The following CTNNA2 variants were observed in gnomAD, a reference collection of about 807,000 sequenced individuals.
CTNNA2 encodes the protein catenin alpha-2.
In CTNNA2, 42 loss-of-function variants were observed where a neutral mutation model predicts 101.0. That is an observed-to-expected ratio of 0.42 (90% CI 0.32 to 0.54). CTNNA2 has a LOEUF of 0.54. CTNNA2 is among the 20% of genes least tolerant of loss of function. The probability of loss-of-function intolerance (pLI) is 0.14; values close to 1 mark genes in which losing one functional copy is unlikely to be tolerated. For missense variants in CTNNA2, 871 were observed against 1,223.1 expected (o/e 0.71, Z 4.29); for synonymous variants, 450 against 456.4 (o/e 0.99, Z 0.18).
intron 1 of CTNNA2, among the ~76,000 whole-genome samples, chr2:79,650,474 GA>G (rs1166762915): frequency 6.6e-5 from 10 of 151,760 alleles, no homozygotes; most frequent in Admixed American, 6.6e-4. Flanking sequence ...ATGATGTGAA[GA>G]AAAAAGTAGC....
chr2:80,343,759 T>C (rs1672458116), intron 7 of CTNNA2, among the ~76,000 whole-genome samples: 1 of 152,192 alleles, frequency 6.6e-6, no homozygotes, highest in Admixed American at 6.5e-5. Context: ...TCTCTCGCAA[T>C]TGGTACTTTG....
At chr2:79,641,818 A>G (rs1680466837) in intron 1 of CTNNA2, among the ~76,000 whole-genome samples, 1 of 152,242 alleles carries the variant, frequency 6.6e-6, no homozygotes, top group African/African-American at 2.4e-5. Context: ...TCAATTTCAA[A>G]TTACTGGCTT....
intron 4 of CTNNA2, among the ~76,000 whole-genome samples, chr2:79,476,284 C>T (rs1274239797): frequency 6.6e-6 from 1 of 152,120 alleles, no homozygotes; most frequent in Non-Finnish European, 1.5e-5. Flanking sequence ...TCAGGTAGAG[C>T]CAGCATCCTG....
chr2:79,635,397 A>T (rs995325632), intron 1 of CTNNA2, among the ~76,000 whole-genome samples: 1 of 151,680 alleles, frequency 6.6e-6, no homozygotes, highest in Non-Finnish European at 1.5e-5. Context: ...GTGCCACTGC[A>T]CTCCAGCCTG....
intron 7 of CTNNA2, among the ~76,000 whole-genome samples, chr2:80,119,758 A>T (rs577151104): frequency 6.6e-6 from 1 of 152,316 alleles, no homozygotes; most frequent in Non-Finnish European, 1.5e-5. Context: ...ACATTTTTAT[A>T]TGCTGTAAGG....
intron 3 of CTNNA2, among the ~76,000 whole-genome samples, chr2:79,814,222 G>A (rs1432010615): frequency 6.6e-6 from 1 of 151,988 alleles, no homozygotes; most frequent in Admixed American, 6.6e-5. Context: ...GAACCCATAA[G>A]AATTTTTCAA....
At chr2:80,630,466 G>A (rs10460583) in intron 18 of CTNNA2, among the ~76,000 whole-genome samples, 45,675 of 151,564 alleles carry the variant, frequency 0.3, 7,857 homozygotes, top group East Asian at 0.45. Flanking sequence ...GTAAAACCCC[G>A]TCTCTACTAA....
chr2:79,520,013 C>T (rs1672019158), intron 1 of CTNNA2, among the ~76,000 whole-genome samples: 1 of 152,206 alleles, frequency 6.6e-6, no homozygotes, highest in Non-Finnish European at 1.5e-5. Flanking sequence ...TCAGGCATAG[C>T]AAAGCCTTGC....
intron 2 of CTNNA2, among the ~76,000 whole-genome samples, chr2:79,276,383 G>A (rs947804302): frequency 6.6e-6 from 1 of 151,900 alleles, no homozygotes; most frequent in Non-Finnish European, 1.5e-5. Context: ...TTTTCTAATA[G>A]CTTTTGTTTG....
chr2:79,849,291 G>GTT lies in CTNNA2; in HGVS notation c.299-8709_299-8708dup, dbSNP rs1230223462. 2.2e-4 allele frequency among the ~76,000 whole-genome samples: 31 copies of GTT among 142,954 alleles called. No homozygotes were observed. The East Asian group carries it at 3.5e-3, about 16-fold the overall frequency. 93.8% of individuals were successfully genotyped at this position (142,954 alleles called of 152,430 possible). A position where few individuals can be genotyped will look rare whatever the true frequency, so the allele number is the denominator to read the frequency against. ...GTTTTGGTATGGCTTGCATGATAGG[G>GTT]TTTTTTTTTTTTTTAATAAGCAGAT... On this transcript the variant is annotated intron_variant, in intron 3 of 18. Transcript: ENST00000402739.
intron 2 of CTNNA2, among the ~76,000 whole-genome samples, chr2:79,738,532 T>C (rs1671060636): frequency 6.6e-6 from 1 of 152,102 alleles, no homozygotes; most frequent in African/African-American, 2.4e-5. Flanking sequence ...GAGATAAAGA[T>C]GGGTACAGAA....
chr2:79,801,878 G>A, intron 3 of CTNNA2, among the ~76,000 whole-genome samples: 1 of 151,582 alleles, frequency 6.6e-6, no homozygotes, highest in Non-Finnish European at 1.5e-5. Flanking sequence ...TGTAATCTAA[G>A]CTACTCGGGA....
chr2:80,135,604 T>A (rs1294018257), intron 7 of CTNNA2, among the ~76,000 whole-genome samples: 1 of 152,148 alleles, frequency 6.6e-6, no homozygotes, highest in Non-Finnish European at 1.5e-5. Context: ...TGTAAATCTG[T>A]CCTGACCTCA....
At chr2:79,966,384 C>T (rs1267431953) in intron 7 of CTNNA2, among the ~76,000 whole-genome samples, 1 of 152,056 alleles carries the variant, frequency 6.6e-6, no homozygotes, top group African/African-American at 2.4e-5. Flanking sequence ...CACAGGCCCC[C>T]TCCACCACAC....
chr2:80,285,284 A>G (rs967362445), intron 7 of CTNNA2, among the ~76,000 whole-genome samples: 1 of 152,170 alleles, frequency 6.6e-6, no homozygotes, highest in African/African-American at 2.4e-5. Flanking sequence ...TTTCATTCTC[A>G]TTCATTCTCT....
chr2:79,824,016 T>G (rs1398981906), intron 3 of CTNNA2, among the ~76,000 whole-genome samples: 1 of 151,924 alleles, frequency 6.6e-6, no homozygotes, highest in Non-Finnish European at 1.5e-5. Flanking sequence ...AAGGCAGAAA[T>G]CACACTCAAA....
At chr2:80,119,638 T>C (rs1015326254) in intron 7 of CTNNA2, among the ~76,000 whole-genome samples, 2 of 152,240 alleles carry the variant, frequency 1.3e-5, no homozygotes, top group Non-Finnish European at 2.9e-5. Context: ...AAGATAATTG[T>C]ATTTACTTCT....
intron 3 of CTNNA2, among the ~76,000 whole-genome samples, chr2:79,829,048 C>A (rs184112165): frequency 1.3e-5 from 2 of 152,218 alleles, no homozygotes; most frequent in Admixed American, 1.3e-4. Context: ...CTACCCCACT[C>A]TTATGAGTTA....
Position 79,778,796 on chromosome 2 carries a change from T to C in CTNNA2, c.298+34214T>C, listed in dbSNP as rs546185305. Among the ~76,000 whole-genome samples, 12 of 152,346 alleles carry C rather than the reference T, an allele frequency of 7.9e-5. No individual in the cohort carries two copies. The South Asian group carries it at 2.5e-3, about 32-fold the overall frequency. ...TCTCTTAGACAAGAAGTAGGCAAAGTTGTTTTTATATAAAGTAACAGAAAC... is the reference window on the plus strand; with the variant it reads ...TCTCTTAGACAAGAAGTAGGCAAAGCTGTTTTTATATAAAGTAACAGAAAC... On this transcript the variant is annotated intron_variant, in intron 3 of 18. Coordinates refer to ENST00000402739, the MANE Select transcript of CTNNA2 (RefSeq NM_001282597.3).
Sources: gnomAD v4.1 joint callset for allele counts (sites outside exome capture counted in the v4.1 genomes callset) on GRCh38, gnomAD v4.1.1 for gene constraint, MANE v1.5 for transcripts, NCBI Gene and HGNC (gene_info 2026-07-23, HGNC 2026-07-21) for gene names.